The following DICER1 variants were observed in gnomAD, a reference collection of about 807,000 sequenced individuals.
The protein encoded by DICER1 is dicer 1, ribonuclease III.
In DICER1, 43 loss-of-function variants were observed where a neutral mutation model predicts 194.1. That is an observed-to-expected ratio of 0.22 (90% CI 0.17 to 0.29). The LOEUF (loss-of-function observed/expected upper bound fraction) is 0.29. DICER1 is among the 10% of genes least tolerant of loss of function. DICER1 has a pLI of 1.00. For synonymous variants in DICER1, 832 were observed against 820.5 expected (o/e 1.01, Z -0.24); for missense variants, 1,608 against 2,317.0 (o/e 0.69, Z 6.28).
chr14:95,131,424 A>G, intron 4 of DICER1, 85 bp downstream of exon 4: 1 of 1,351,320 alleles, frequency 7.4e-7, no homozygotes, highest in Non-Finnish European at 1.1e-6. Flanking sequence ...AACCTAAATC[A>G]GACAACCAAG....
At chr14:95,109,453 C>T (rs541068533) in intron 14 of DICER1, among the ~76,000 whole-genome samples, 8 of 152,248 alleles carry the variant, frequency 5.3e-5, no homozygotes, top group African/African-American at 1.7e-4. Context: ...AGGCTGGTCT[C>T]GGATTCCTGG....
Position 95,126,678 on chromosome 14 carries a change from T to C in DICER1, c.805A>G (p.Arg269Gly). ...PFTDRSGLYE[R>G]LLMELEEALN... ...GCTTCTTCTAATTCCATCAGCAGTC[T>C]TTCATAAAGCCCACTTCTGTCAGTA... The change falls in exon 7 of 27, where the codon AGA (arginine) becomes GGA (glycine). Residue 269 changes from arginine to glycine, a missense_variant. Arg to Gly is a moderately radical substitution (Grantham distance 125, BLOSUM62 -2). Transcript: ENST00000343455. The C allele has an allele frequency of 6.2e-7, 1 of 1,603,208 alleles. No homozygotes were observed. Among genetic ancestry groups the C allele is most frequent in the Non-Finnish European group, 8.5e-7 (1 of 1,170,208 alleles).
chr14:95,104,545 G>C (rs1166104927), intron 20 of DICER1, among the ~76,000 whole-genome samples: 1 of 152,228 alleles, frequency 6.6e-6, no homozygotes, highest in Non-Finnish European at 1.5e-5. Context: ...GATTAAATGA[G>C]CTAACTAACA....
At chr14:95,100,037 CAATT>C (rs1890741256) in intron 21 of DICER1, 102 bp from the exon 22 acceptor site, 1 of 1,259,868 alleles carries the variant, frequency 7.9e-7, no homozygotes, top group Middle Eastern at 2.6e-4. Flanking sequence ...TAAAATTAAT[CAATT>C]AATTATATGT....
intron 14 of DICER1, among the ~76,000 whole-genome samples, chr14:95,110,745 T>C (rs1891883940): frequency 6.6e-6 from 1 of 152,112 alleles, no homozygotes; most frequent in South Asian, 2.1e-4. Context: ...TTACTAGAAG[T>C]TAGATTTAGA....
At chr14:95,148,136 C>T (rs1895261916) in intron 1 of DICER1, among the ~76,000 whole-genome samples, 1 of 152,178 alleles carries the variant, frequency 6.6e-6, no homozygotes, top group Non-Finnish European at 1.5e-5. Context: ...TCCAAGCCCT[C>T]CCAGAGCAAA....
Position 95,104,032 on chromosome 14 carries a change from A to G in DICER1, c.3364T>C (p.Cys1122Arg), listed in dbSNP as rs1555369696. 2 of 1,614,132 alleles carry G rather than the reference A, an allele frequency of 1.2e-6. No individual in the cohort carries two copies. Among genetic ancestry groups the G allele is most frequent in the Non-Finnish European group, 8.5e-7 (1 of 1,179,990 alleles). ...TCAGGGACAATTGTGCTGTGCTTAC[A>G]GTAATTATCATTTTCAGCTGAAGAG... is the stretch of plus-strand genomic sequence containing the variant. ...NSSSAENDNYCKHSTIVPENA... is the reference protein window; with the variant it reads ...NSSSAENDNYRKHSTIVPENA... The change falls in exon 21 of 27, where the codon TGT (cysteine) becomes CGT (arginine). Residue 1122 changes from cysteine to arginine, a missense_variant. Physicochemically the swap from Cys to Arg is radical, Grantham distance 180. Around this residue, in one of 10 missense-constraint regions of DICER1, gnomAD observed 222 missense variants for 215.5 expected, o/e 1.03. Transcript: ENST00000343455.
At chr14:95,137,079 A>AAAGGAAAGAAGGGAAAG (rs1327478761) in intron 1 of DICER1, among the ~76,000 whole-genome samples, 55 of 152,148 alleles carry the variant, frequency 3.6e-4, no homozygotes, top group African/African-American at 1.3e-3. Context: ...GAAAGGAAAA[A>AAAGGAAAGAAGGGAAAG]AAGGAAAGAA....
chr14:95,105,981 A>G lies in DICER1; in HGVS notation c.2987+60T>C, dbSNP rs147668333. The G allele has an allele frequency of 1.9e-3, 3,050 of 1,564,100 alleles. 121 individuals carry two copies. The East Asian group carries it at 0.061, about 31-fold the overall frequency. ...GGGGACAGTGAACCTCTGCATGTCT[A>G]GTGATGTCTGGTAAGAATCCCTCAA... On this transcript the variant is annotated intron_variant, in intron 18 of 26. Transcript: ENST00000343455. This position sits in a 1 kb window ranked among gnomAD's most constrained non-coding sequence, Gnocchi z 4.9.
In DICER1 at chr14:95,089,049, C is replaced by A. The variant is rs201612854; in HGVS notation, c.*1449G>T. On this transcript the variant is annotated 3_prime_UTR_variant, in exon 27 of 27. Coordinates refer to ENST00000343455, the MANE Select transcript of DICER1 (RefSeq NM_177438.3). ...ATTAAGAGGTATTATAGTTACAGTGCAAAAAAAAAAAAATTAAAATTTCAA... is the reference window on the plus strand; with the variant it reads ...ATTAAGAGGTATTATAGTTACAGTGAAAAAAAAAAAAAATTAAAATTTCAA... 62 of 211,814 alleles carry A rather than the reference C, an allele frequency of 2.9e-4. No homozygotes were observed. Among genetic ancestry groups the A allele is most frequent in the South Asian group, 3.9e-4 (2 of 5,142 alleles). The allele number at this position is 211,814 out of a possible 1,614,324, so 13.1% of individuals were successfully genotyped here.
chr14:95,151,383 A>G lies in DICER1; in HGVS notation c.-46+5847T>C, dbSNP rs576243715. Among the ~76,000 whole-genome samples the G allele has an allele frequency of 2.0e-5, 3 of 152,358 alleles. No individual in the cohort carries two copies. The East Asian group carries it at 5.8e-4, about 29-fold the overall frequency. On this transcript the variant is annotated intron_variant, in intron 1 of 26. Coordinates refer to ENST00000343455, the MANE Select transcript of DICER1 (RefSeq NM_177438.3). Reference sequence around the variant, plus strand: ...TGGGGGCTCACAATATAATCTAATCACATTAAGACTATTGCATGTTAAAAT... The same window carrying G: ...TGGGGGCTCACAATATAATCTAATCGCATTAAGACTATTGCATGTTAAAAT...
In DICER1 at chr14:95,095,340, G is replaced by A. The variant is rs116463666; in HGVS notation, c.5095+485C>T. 1,153 of 188,816 alleles carry A rather than the reference G, an allele frequency of 6.1e-3. 13 individuals carry two copies. The highest frequency in any genetic ancestry group is 0.026 in the African/African-American group (1,089 of 42,012). The allele number at this position is 188,816 out of a possible 1,614,324, so 11.7% of individuals were successfully genotyped here. On this transcript the variant is annotated intron_variant, in intron 23 of 26. Coordinates refer to ENST00000343455, the MANE Select transcript of DICER1 (RefSeq NM_177438.3). Reference sequence around the variant, plus strand: ...ACAGCAGAGTCACAGCAAGGGCCACGCAACCTTCTTGTGAAATCATTGCTT... The same window carrying A: ...ACAGCAGAGTCACAGCAAGGGCCACACAACCTTCTTGTGAAATCATTGCTT...
At chr14:95,116,087 ACACG>A (rs1408033152) in intron 10 of DICER1, among the ~76,000 whole-genome samples, 216 of 151,182 alleles carry the variant, frequency 1.4e-3, no homozygotes, top group African/African-American at 5.0e-3. Context: ...ACACACACAC[ACACG>A]ACTGTTAGTC....
chr14:95,091,415 G>A (rs1389136263), intron 24 of DICER1, 50 bp from the exon 25 acceptor site: 1 of 1,534,544 alleles, frequency 6.5e-7, no homozygotes, highest in Non-Finnish European at 9.0e-7. Context: ...ACTTTTACAG[G>A]CAGTCCACAG....
chr14:95,113,027 A>G (rs1892115253), intron 12 of DICER1, 65 bp downstream of exon 12: 1 of 1,546,452 alleles, frequency 6.5e-7, no homozygotes, highest in Admixed American at 1.7e-5. Context: ...AGTCTTAGAA[A>G]AGCTGAAAAA....
In DICER1 at chr14:95,090,316, CA is replaced by C; in HGVS notation, c.*181del. ...AAAAAACTAAAACTACAATTAGTTC[CA>C]AAATTTTATACATATGTTAAATGTT... On this transcript the variant is annotated 3_prime_UTR_variant, in exon 27 of 27. Coordinates refer to ENST00000343455, the MANE Select transcript of DICER1 (RefSeq NM_177438.3). 1.5e-6 allele frequency: 1 copy of C among 683,868 alleles called. No individual in the cohort carries two copies. Among genetic ancestry groups the C allele is most frequent in the Non-Finnish European group, 2.4e-6 (1 of 411,096 alleles). The allele number at this position is 683,868 out of a possible 1,614,324, so 42.4% of individuals were successfully genotyped here.
chr14:95,124,523 G>A lies in DICER1; in HGVS notation c.1049C>T (p.Thr350Ile). The A allele has an allele frequency of 6.2e-7, 1 of 1,614,062 alleles. No individual in the cohort carries two copies. The highest frequency in any genetic ancestry group is 8.5e-7 in the Non-Finnish European group (1 of 1,180,032). Residue 350 changes from threonine (T) to isoleucine (I), a missense_variant, in exon 8 of 27, where the codon ACT (threonine) becomes ATT (isoleucine). Around this residue, in one of 10 missense-constraint regions of DICER1, gnomAD observed 657 missense variants for 910.1 expected, o/e 0.72. Coordinates refer to ENST00000343455, the MANE Select transcript of DICER1 (RefSeq NM_177438.3). This position sits in a 1 kb window ranked among gnomAD's most constrained non-coding sequence, Gnocchi z 4.5. ...LHRKFLLFTDTFLRKIHALCE... is the reference protein window; with the variant it reads ...LHRKFLLFTDIFLRKIHALCE... Reference sequence around the variant, plus strand: ...TAGTGCATGTATTTTCCTTAGGAAAGTGTCTGTAAACAATAAAAATTTCCT... The same window carrying A: ...TAGTGCATGTATTTTCCTTAGGAAAATGTCTGTAAACAATAAAAATTTCCT...
At chr14:95,130,876 T>C (rs1893894218) in intron 4 of DICER1, among the ~76,000 whole-genome samples, 1 of 152,212 alleles carries the variant, frequency 6.6e-6, no homozygotes, top group South Asian at 2.1e-4. Context: ...TTTTCCAGTT[T>C]CAAGACATTT....
At position 95,098,980 on chromosome 14, in the gene DICER1, C is replaced by A. The variant is rs534024760; in HGVS notation, c.4206+800G>T. Among the ~76,000 whole-genome samples, 11 of 152,122 alleles carry A rather than the reference C, an allele frequency of 7.2e-5. No individual in the cohort carries two copies. In the East Asian group the frequency reaches 1.5e-3, roughly 21 times the overall value. On this transcript the variant is annotated intron_variant, in intron 22 of 26. Transcript: ENST00000343455. Reference sequence around the variant, plus strand: ...AGAAAATGGATATTTAAAAATATAACCTTTGAAAGAAAAAAACGGTATTAT... The same window carrying A: ...AGAAAATGGATATTTAAAAATATAAACTTTGAAAGAAAAAAACGGTATTAT...
Sources: gnomAD v4.1 joint callset for allele counts (sites outside exome capture counted in the v4.1 genomes callset) on GRCh38, gnomAD v4.1.1 for gene constraint, gnomAD v4.1.1 regional missense constraint, Gnocchi (gnomAD v3.1) non-coding constraint, MANE v1.5 for transcripts, NCBI Gene and HGNC (gene_info 2026-07-23, HGNC 2026-07-21) for gene names.